COL6A1: variants seen among roughly 807,000 people sequenced by gnomAD.
COL6A1 encodes collagen alpha-1(VI) chain.
COL6A1 carries 80 observed loss-of-function variants against 145.6 expected under a neutral mutation model. That is an observed-to-expected ratio of 0.55 (90% confidence interval 0.46 to 0.66). COL6A1 has a LOEUF of 0.66. Among genes scored for constraint, COL6A1 ranks in the 30% least tolerant of loss-of-function variants. The probability of loss-of-function intolerance (pLI) is 0.00; values close to 1 mark genes in which losing one functional copy is unlikely to be tolerated. For missense variants in COL6A1, 1,364 were observed against 1,473.8 expected (o/e 0.93, Z 1.22); for synonymous variants, 638 against 622.8 (o/e 1.02, Z -0.36).
intron 20 of COL6A1, among the ~76,000 whole-genome samples, chr21:45,995,071 T>C (rs1319131098): frequency 6.6e-6 from 1 of 152,240 alleles, no homozygotes; most frequent in Non-Finnish European, 1.5e-5. Flanking sequence ...CCAGTGCAAG[T>C]CACATTTGTA....
Position 46,002,448 on chromosome 21 carries a change from C to T in COL6A1, c.2250+47C>T, listed in dbSNP as rs765897191. On this transcript the variant is annotated intron_variant, in intron 32 of 34. Coordinates refer to ENST00000361866, the MANE Select transcript of COL6A1 (RefSeq NM_001848.3). ...TGCACCTGCCCCGCCTAGGGCGCCC[C>T]GCCAGCCAGGGTGGCCTTGTCCCCA... The T allele has an allele frequency of 3.9e-5, 63 of 1,612,832 alleles. 1 individual carries two copies. Among genetic ancestry groups the T allele is most frequent in the South Asian group, 2.3e-4 (21 of 91,046 alleles).
intron 20 of COL6A1, among the ~76,000 whole-genome samples, chr21:45,995,757 T>C (rs1459802717): frequency 1.3e-5 from 2 of 152,106 alleles, no homozygotes; most frequent in African/African-American, 4.8e-5. Flanking sequence ...GGAGGAGGTT[T>C]CCCCCAACGC....
intron 1 of COL6A1, 37 bp downstream of exon 1, chr21:45,981,984 CG>C: frequency 6.6e-7 from 1 of 1,509,206 alleles, no homozygotes; most frequent in Non-Finnish European, 9.1e-7. Flanking sequence ...CCAGACCCCC[CG>C]CTCTTTGCTG....
At chr21:46,001,230 G>T in intron 29 of COL6A1, 23 bp from the exon 30 acceptor site, 1 of 1,598,264 alleles carries the variant, frequency 6.3e-7, no homozygotes, top group Non-Finnish European at 8.5e-7. Flanking sequence ...GGCGTGCTCT[G>T]CTGACACCGC....
intron 15 of COL6A1, 94 bp from the exon 16 acceptor site, chr21:45,991,916 A>C: frequency 7.9e-7 from 1 of 1,267,242 alleles, no homozygotes; most frequent in African/African-American, 1.5e-5. Context: ...GAGTGGCCTG[A>C]AGTATGGGTG....
At chr21:45,998,332 T>C in intron 23 of COL6A1, 66 bp from the exon 24 acceptor site, 1 of 1,606,288 alleles carries the variant, frequency 6.2e-7, no homozygotes, top group Non-Finnish European at 8.5e-7. Flanking sequence ...CCTTCCGCTG[T>C]GCGCCCCTCA....
chr21:45,987,406 T>A, intron 6 of COL6A1, 93 bp from the exon 7 acceptor site: 2 of 1,573,502 alleles, frequency 1.3e-6, no homozygotes. Flanking sequence ...CGTGTGTCCG[T>A]CTGCCCATGT....
In COL6A1 at chr21:46,004,883, T is replaced by C. The variant is rs1331436760; in HGVS notation, c.*870T>C. The C allele has an allele frequency of 2.3e-5, 4 of 171,966 alleles. No homozygotes were observed. The highest frequency in any genetic ancestry group is 6.1e-5 in the Admixed American group (1 of 16,304). 10.7% of individuals were successfully genotyped at this position (171,966 alleles called of 1,614,324 possible). A position where few individuals can be genotyped will look rare whatever the true frequency, so the allele number is the denominator to read the frequency against. Reference sequence around the variant, plus strand: ...AGCCCCTTGGTGCCACAGAGGGCTGTGTCTTACTAGAAACAACGCAAACCT... The same window carrying C: ...AGCCCCTTGGTGCCACAGAGGGCTGCGTCTTACTAGAAACAACGCAAACCT... On this transcript the variant is annotated 3_prime_UTR_variant, in exon 35 of 35. Transcript: ENST00000361866.
At chr21:45,990,172 G>C in intron 11 of COL6A1, 86 bp from the exon 12 acceptor site, 1 of 1,539,102 alleles carries the variant, frequency 6.5e-7, no homozygotes, top group Non-Finnish European at 9.0e-7. Flanking sequence ...GGGCACCCAA[G>C]CCCCTGCCTC....
At chr21:45,995,765 C>T (rs1182927653) in intron 20 of COL6A1, among the ~76,000 whole-genome samples, 5 of 152,198 alleles carry the variant, frequency 3.3e-5, no homozygotes, top group Non-Finnish European at 5.9e-5. Context: ...TTTCCCCCAA[C>T]GCCTGAGACC....
At chr21:45,987,300 C>A in intron 6 of COL6A1, 125 bp downstream of exon 6, 1 of 1,508,416 alleles carries the variant, frequency 6.6e-7, no homozygotes, top group Admixed American at 1.7e-5. Context: ...ATGTCCCCTG[C>A]GTGTCTGCCC....
intron 20 of COL6A1, among the ~76,000 whole-genome samples, chr21:45,995,715 G>C (rs1379295149): frequency 6.6e-6 from 1 of 152,326 alleles, no homozygotes; most frequent in South Asian, 2.1e-4. Context: ...CCATGCCTGG[G>C]GGTCTGGGAA....
rs774598083 is a variant in COL6A1 at position 45,997,423 on chromosome 21, C to T, written c.1401C>T (p.Gly467=). 8 of 1,612,748 alleles carry T rather than the reference C, an allele frequency of 5.0e-6. No homozygotes were observed. The highest frequency in any genetic ancestry group is 4.5e-5 in the East Asian group (2 of 44,852). ...GTGCCATATCCATCTCTCTACAGGG[C>T]GAGGCTGGCCCTATCGGACCTAAAG... ...EGPVGVPGDP[G]EAGPIGPKGY... is the part of the protein sequence containing the mutation. Residue 467 remains glycine (G), a splice_region_variant and synonymous_variant, in exon 21 of 35, where the codon GGC becomes GGT. Transcript: ENST00000361866.
chr21:45,996,067 G>A (rs1054758627), intron 20 of COL6A1, among the ~76,000 whole-genome samples: 1 of 152,210 alleles, frequency 6.6e-6, no homozygotes, highest in Non-Finnish European at 1.5e-5. Flanking sequence ...CCCAGGAGGT[G>A]CCCCCAGTGA....
Position 45,992,819 on chromosome 21 carries a change from C to G in COL6A1, c.1335+9C>G. 6.3e-7 allele frequency: 1 copy of G among 1,591,904 alleles called. No individual in the cohort carries two copies. The highest frequency in any genetic ancestry group is 8.6e-7 in the Non-Finnish European group (1 of 1,169,398). ...GACCAAGAGGAGACCCTGTGAGTCA[C>G]AGTTCCTGGAGCTGGGAACCACCCC... On this transcript the variant is annotated intron_variant, in intron 19 of 34. Coordinates refer to ENST00000361866, the MANE Select transcript of COL6A1 (RefSeq NM_001848.3).
intron 3 of COL6A1, among the ~76,000 whole-genome samples, chr21:45,984,923 G>GACAA (rs564350257): frequency 6.7e-6 from 1 of 148,650 alleles, no homozygotes; most frequent in Non-Finnish European, 1.5e-5. Context: ...GACAGAGACA[G>GACAA]ACAAACAGAG....
chr21:45,991,425 G>GGGAGGGTGGTGAGCGGGGGCGGGA (rs1254387918), intron 15 of COL6A1, among the ~76,000 whole-genome samples: 1 of 151,862 alleles, frequency 6.6e-6, no homozygotes, highest in African/African-American at 2.4e-5. Flanking sequence ...GCGAGTGGGC[G>GGGAGGGTGGTGAGCGGGGGCGGGA]GGAGGGTGGT....
At chr21:45,999,901 A>AGGG (rs2077829645) in intron 27 of COL6A1, among the ~76,000 whole-genome samples, 1 of 27,616 alleles carries the variant, frequency 3.6e-5, no homozygotes, top group African/African-American at 1.3e-4. Context: ...CATAGAGGGG[A>AGGG]CATGTGAGGA....
At chr21:46,003,230 G>A (rs1569519186) in intron 34 of COL6A1, 81 bp downstream of exon 34, 1 of 1,610,224 alleles carries the variant, frequency 6.2e-7, no homozygotes, top group East Asian at 2.2e-5. Flanking sequence ...GGGGCTCTGG[G>A]AGGAGGGCCT....
Sources: allele counts gnomAD v4.1 joint callset (sites outside exome capture counted in the v4.1 genomes callset), GRCh38; gene constraint gnomAD v4.1.1; transcripts MANE v1.5; gene names NCBI Gene and HGNC (gene_info 2026-07-23, HGNC 2026-07-21).